The following SPECC1L variants were observed in gnomAD, a reference collection of about 807,000 sequenced individuals.
SPECC1L encodes sperm antigen with calponin homology and coiled-coil domains 1 like, also known as cytospin-A.
SPECC1L carries 40 observed loss-of-function variants against 116.8 expected under a neutral mutation model. That is an observed-to-expected ratio of 0.34 (90% CI 0.27 to 0.45). The LOEUF (loss-of-function observed/expected upper bound fraction) is 0.45, where lower values mean the gene tolerates loss of function less well. Ranked by LOEUF, SPECC1L falls within the 20% of genes least tolerant of loss-of-function variation. The pLI is 1.00. For missense variants in SPECC1L, 1,110 were observed against 1,373.6 expected (o/e 0.81, Z 3.03); for synonymous variants, 504 against 500.6 (o/e 1.01, Z -0.09).
chr22:24,348,419 CCTGT>C (rs2041349120), intron 11 of SPECC1L, among the ~76,000 whole-genome samples: 1 of 152,118 alleles, frequency 6.6e-6, no homozygotes, highest in South Asian at 2.1e-4. Flanking sequence ...TGGCCCTATA[CCTGT>C]CAGTCTTCAG....
chr22:24,377,122 G>T (rs552369884), intron 14 of SPECC1L, among the ~76,000 whole-genome samples: 38 of 152,162 alleles, frequency 2.5e-4, no homozygotes, highest in African/African-American at 8.7e-4. Context: ...TCTGTGACTG[G>T]CTTCTTTCAC....
In SPECC1L at chr22:24,364,383, C is replaced by A. The variant is rs144755252; in HGVS notation, c.2827+1039C>A. ...TAGTTTTTTAAAATGTGCCCTGAGG[C>A]CAGTTGCGGTGGCTCATGCCTGTAA... On this transcript the variant is annotated intron_variant, in intron 12 of 16. Transcript: ENST00000314328. Among the ~76,000 whole-genome samples the A allele has an allele frequency of 7.8e-3, 1,183 of 151,338 alleles. 9 individuals are homozygous for A. Among genetic ancestry groups the A allele is most frequent in the South Asian group, 0.025 (117 of 4,770 alleles).
At chr22:24,392,835 C>T (rs1215759262) in intron 14 of SPECC1L, among the ~76,000 whole-genome samples, 1 of 152,184 alleles carries the variant, frequency 6.6e-6, no homozygotes, top group African/African-American at 2.4e-5. Flanking sequence ...CAGCTCAGTG[C>T]CACTGGAGAG....
At chr22:24,398,495 A>G (rs2042408966) in intron 14 of SPECC1L, among the ~76,000 whole-genome samples, 1 of 152,322 alleles carries the variant, frequency 6.6e-6, no homozygotes, top group East Asian at 1.9e-4. Flanking sequence ...CATGGCTTTC[A>G]AATCAGTATA....
chr22:24,397,271 C>G (rs17004911), intron 14 of SPECC1L, among the ~76,000 whole-genome samples: 5,117 of 152,204 alleles, frequency 0.034, 177 homozygotes, highest in African/African-American at 0.082. Context: ...AAAATAAGTT[C>G]ATCGTAAGGT....
chr22:24,278,540 T>C (rs1206952980), intron 2 of SPECC1L, among the ~76,000 whole-genome samples: 7 of 152,172 alleles, frequency 4.6e-5, no homozygotes. Context: ...TTAGCAGATA[T>C]TGACTGTTAG....
intron 9 of SPECC1L, among the ~76,000 whole-genome samples, chr22:24,336,288 TGTGTGTGTGTACATATATA>T (rs1163864592): frequency 6.6e-6 from 1 of 151,902 alleles, no homozygotes; most frequent in Non-Finnish European, 1.5e-5. Flanking sequence ...TATACCTATA[TGTGTGTGTGTACATATATA>T]GTGTGTGTGG....
chr22:24,308,406 G>A (rs2049544606), intron 3 of SPECC1L, among the ~76,000 whole-genome samples: 1 of 152,192 alleles, frequency 6.6e-6, no homozygotes, highest in Non-Finnish European at 1.5e-5. Flanking sequence ...GGAGCGAAAG[G>A]CAGTTATTTG....
rs564917807 is a variant in SPECC1L at position 24,404,713 on chromosome 22, C to T, written c.3088-6875C>T. ...CTGACCCCAGTCCAGCCACTCTTCC[C>T]TTTAAACCTCCTTGAGCCCTGGCCC... On this transcript the variant is annotated intron_variant, in intron 14 of 16. Coordinates refer to ENST00000314328, the MANE Select transcript of SPECC1L (RefSeq NM_015330.6). Among the ~76,000 whole-genome samples, 8 of 152,308 alleles carry T rather than the reference C, an allele frequency of 5.3e-5. No individual in the cohort carries two copies. In the South Asian group the frequency reaches 1.7e-3, roughly 32 times the overall value.
At chr22:24,314,245 T>G (rs1260263580) in intron 4 of SPECC1L, among the ~76,000 whole-genome samples, 1 of 151,720 alleles carries the variant, frequency 6.6e-6, no homozygotes, top group African/African-American at 2.4e-5. Flanking sequence ...GAGACAGAGT[T>G]TCACCGTGTT....
intron 4 of SPECC1L, among the ~76,000 whole-genome samples, chr22:24,319,922 A>G (rs188104616): frequency 1.3e-5 from 2 of 152,270 alleles, no homozygotes; most frequent in East Asian, 3.9e-4. Flanking sequence ...TTTCTTAAGT[A>G]TTTACAGGTA....
At chr22:24,329,606 C>A (rs2040898429) in intron 7 of SPECC1L, among the ~76,000 whole-genome samples, 1 of 152,152 alleles carries the variant, frequency 6.6e-6, no homozygotes, top group Admixed American at 6.5e-5. Context: ...GGGCGTGGGG[C>A]TCAGGCATGC....
At chr22:24,332,828 A>G (rs1057427601) in intron 8 of SPECC1L, among the ~76,000 whole-genome samples, 1 of 152,128 alleles carries the variant, frequency 6.6e-6, no homozygotes, top group African/African-American at 2.4e-5. Context: ...GTAATGGAAG[A>G]CAGCTCTTAT....
At chr22:24,308,973 A>G (rs1258413939) in intron 3 of SPECC1L, among the ~76,000 whole-genome samples, 2 of 152,136 alleles carry the variant, frequency 1.3e-5, no homozygotes, top group South Asian at 2.1e-4. Context: ...ACATGTTCCT[A>G]TTACTCTTTG....
intron 14 of SPECC1L, among the ~76,000 whole-genome samples, chr22:24,376,695 TC>T (rs1483688494): frequency 4.6e-5 from 7 of 152,106 alleles, no homozygotes; most frequent in Non-Finnish European, 5.9e-5. Context: ...TAAAAAGACT[TC>T]CACACTCAGG....
intron 3 of SPECC1L, among the ~76,000 whole-genome samples, chr22:24,310,229 A>G (rs1309022938): frequency 1.3e-5 from 2 of 152,192 alleles, no homozygotes; most frequent in Non-Finnish European, 2.9e-5. Context: ...TGTATTCACT[A>G]AAGTGTACTT....
Position 24,369,335 on chromosome 22 carries a change from C to G in SPECC1L, c.3087+15C>G. On this transcript the variant is annotated intron_variant, in intron 14 of 16. Coordinates refer to ENST00000314328, the MANE Select transcript of SPECC1L (RefSeq NM_015330.6). ...AAGGCTATCAGGTAATCATATGATT[C>G]TTTTGTCCCATGTGAGTAATTGGCA... 1 of 1,593,856 alleles carries G rather than the reference C, an allele frequency of 6.3e-7. No homozygotes were observed. Among genetic ancestry groups the G allele is most frequent in the Non-Finnish European group, 8.6e-7 (1 of 1,161,558 alleles).
intron 11 of SPECC1L, among the ~76,000 whole-genome samples, chr22:24,352,979 A>G (rs1042990018): frequency 2.0e-5 from 3 of 152,210 alleles, no homozygotes; most frequent in East Asian, 3.8e-4. Flanking sequence ...AGTTATAATC[A>G]CTACCCTTCA....
rs5996694 is a variant in SPECC1L, at chr22:24,365,530, C to T, written c.2882C>T (p.Ala961Val). The T allele has an allele frequency of 1.3e-3, 2,097 of 1,614,008 alleles. 17 individuals are homozygous for T. Among genetic ancestry groups the T allele is most frequent in the Non-Finnish European group, 7.1e-4 (841 of 1,179,958 alleles). ...CGGGACATTTCTGCACAGGAGGGAGCGTCGCCAGCCTCTCTGATGGCTATG... is the reference window on the plus strand; with the variant it reads ...CGGGACATTTCTGCACAGGAGGGAGTGTCGCCAGCCTCTCTGATGGCTATG... ...VKRDISAQEG[A>V]SPASLMAMGT... The change falls in exon 13 of 17, where the codon GCG becomes GTG. Residue 961 changes from alanine to valine, a missense_variant. Transcript: ENST00000314328.
Sources: gnomAD v4.1 joint callset for allele counts (sites outside exome capture counted in the v4.1 genomes callset) on GRCh38, gnomAD v4.1.1 for gene constraint, MANE v1.5 for transcripts, NCBI Gene and HGNC (gene_info 2026-07-23, HGNC 2026-07-21) for gene names.